Variants in CDKL2 observed in about 807,000 individuals in gnomAD.
The protein encoded by CDKL2 is cyclin-dependent kinase-like 2.
In CDKL2, 64 loss-of-function variants were observed where a neutral mutation model predicts 63.9. That is an observed-to-expected ratio of 1.00 (90% CI 0.82 to 1.23). The LOEUF (loss-of-function observed/expected upper bound fraction) is 1.23. Ranked by LOEUF, CDKL2 falls within the 50% of genes most tolerant of loss-of-function variation. CDKL2 has a pLI of 0.00. For synonymous variants in CDKL2, 211 were observed against 229.2 expected, an observed-to-expected ratio of 0.92 and a Z score of 0.72; for missense variants, 656 against 668.0, an observed-to-expected ratio of 0.98 and a Z score of 0.20.
In CDKL2 at chr4:75,621,397, C is replaced by T. The variant is rs373320637; in HGVS notation, c.168+4424G>A. Among the ~76,000 whole-genome samples, 13 of 151,500 alleles carry T rather than the reference C, an allele frequency of 8.6e-5. 1 individual carries two copies. Among genetic ancestry groups the T allele is most frequent in the African/African-American group, 2.9e-4 (12 of 41,248 alleles). Reference sequence around the variant, plus strand: ...CTAGAAGAAAATGGTTATTAAGGAACACAGTAAGACTGATGTCTGATTTTT... The same window carrying T: ...CTAGAAGAAAATGGTTATTAAGGAATACAGTAAGACTGATGTCTGATTTTT... On this transcript the variant is annotated intron_variant, in intron 2 of 13. Transcript: ENST00000307465.
rs368148985 is a variant in CDKL2 at position 75,596,918 on chromosome 4, A to T, written c.1322+17T>A. The T allele has an allele frequency of 2.7e-5, 42 of 1,582,372 alleles. No individual in the cohort carries two copies. The highest frequency in any genetic ancestry group is 2.4e-4 in the Admixed American group (13 of 54,886). On this transcript the variant is annotated intron_variant, in intron 9 of 13. Transcript: ENST00000307465. ...TGTCCTTAAACACTTTTTTGATCTT[A>T]TTTTACTAATTCATACCTGTAACCC...
At chr4:75,616,857 T>C (rs1294545561) in intron 2 of CDKL2, among the ~76,000 whole-genome samples, 1 of 151,992 alleles carries the variant, frequency 6.6e-6, no homozygotes, top group African/African-American at 2.4e-5. Flanking sequence ...AGCAAACTAA[T>C]AGGAACAGAA....
chr4:75,596,349 A>AC lies in CDKL2; in HGVS notation c.1323-10dup, dbSNP rs1373763717. On this transcript the variant is annotated splice_polypyrimidine_tract_variant and intron_variant, in intron 9 of 13. Coordinates refer to ENST00000307465, the MANE Select transcript of CDKL2 (RefSeq NM_001330724.2). ...TAGTTTTCTCATCCACTCTGTAACGACAAAAAAAAATGTTTTTAAGTTAGA... is the reference window on the plus strand; with the variant it reads ...TAGTTTTCTCATCCACTCTGTAACGACCAAAAAAAAATGTTTTTAAGTTAGA... 1 of 1,573,434 alleles carries AC rather than the reference A, an allele frequency of 6.4e-7. No homozygotes were observed. Among genetic ancestry groups the AC allele is most frequent in the East Asian group, 2.2e-5 (1 of 44,632 alleles).
At position 75,614,394 on chromosome 4, in the gene CDKL2, C is replaced by T. The variant is rs751297970; in HGVS notation, c.224G>A (p.Arg75Gln). The T allele has an allele frequency of 3.4e-5, 54 of 1,598,132 alleles. No individual in the cohort carries two copies. In the East Asian group the frequency reaches 5.2e-4, roughly 15 times the overall value. Residue 75 changes from arginine to glutamine, a missense_variant, in exon 3 of 14, where the codon CGA becomes CAA. Physicochemically the swap from Arg to Gln is conservative, Grantham distance 43. Transcript: ENST00000307465. ...AACAAATTCAAAGACTAGGTACCAT[C>T]GTTTTTTTTTCTTACACACTTCCAA... ...NLLEVCKKKK[R>Q]WYLVFEFVDH...
At chr4:75,627,593 C>T (rs1317145729) in intron 1 of CDKL2, among the ~76,000 whole-genome samples, 1 of 151,906 alleles carries the variant, frequency 6.6e-6, no homozygotes, top group Non-Finnish European at 1.5e-5. Context: ...TAATAAAGAT[C>T]AACTTTTTTG....
intron 1 of CDKL2, among the ~76,000 whole-genome samples, chr4:75,628,609 T>G (rs1015948217): frequency 5.9e-5 from 9 of 152,208 alleles, no homozygotes; most frequent in African/African-American, 2.2e-4. Context: ...AGATAAAAAA[T>G]TATTTCAGTC....
In CDKL2 at chr4:75,591,920, T is replaced by G. The variant is rs748303620; in HGVS notation, c.1546A>C (p.Asn516His). The G allele has an allele frequency of 5.0e-5, 77 of 1,534,882 alleles. No homozygotes were observed. The highest frequency in any genetic ancestry group is 1.9e-4 in the South Asian group (16 of 84,028). Residue 516 changes from asparagine to histidine, a missense_variant, in exon 12 of 14, where the codon AAT becomes CAT. Coordinates refer to ENST00000307465, the MANE Select transcript of CDKL2 (RefSeq NM_001330724.2). ...ELRALGGIARNSRLTKKESKI... is the reference protein window; with the variant it reads ...ELRALGGIARHSRLTKKESKI... ...CTCTCTTTCTTTGTTAGCCTGGAAT[T>G]TCGAGCTAGATAGAAATGACCATAA...
chr4:75,586,146 C>T (rs1408246621), intron 12 of CDKL2, among the ~76,000 whole-genome samples: 1 of 151,498 alleles, frequency 6.6e-6, no homozygotes, highest in African/African-American at 2.4e-5. Flanking sequence ...AAATACCTGG[C>T]TATTAAACAA....
chr4:75,613,160 A>G (rs2148899742), intron 3 of CDKL2, among the ~76,000 whole-genome samples: 1 of 151,974 alleles, frequency 6.6e-6, no homozygotes, highest in Admixed American at 6.6e-5. Flanking sequence ...GGATCATTAA[A>G]AAGTTGCCAG....
At chr4:75,605,249 A>C (rs2148888477) in intron 5 of CDKL2, among the ~76,000 whole-genome samples, 1 of 152,136 alleles carries the variant, frequency 6.6e-6, no homozygotes, top group Non-Finnish European at 1.5e-5. Context: ...GCTACTCGGG[A>C]GGCTGAGGCA....
chr4:75,608,713 G>C (rs751646020), intron 3 of CDKL2, among the ~76,000 whole-genome samples: 4 of 152,074 alleles, frequency 2.6e-5, no homozygotes, highest in Non-Finnish European at 4.4e-5. Flanking sequence ...AAATCAATAG[G>C]CCGCACGCAG....
chr4:75,582,052 A>G (rs1728286837), intron 12 of CDKL2, among the ~76,000 whole-genome samples, 154 bp from the exon 13 acceptor site: 1 of 152,230 alleles, frequency 6.6e-6, no homozygotes, highest in South Asian at 2.1e-4. Flanking sequence ...GTAAGGGGAC[A>G]TTGTTCTTTT....
intron 2 of CDKL2, among the ~76,000 whole-genome samples, chr4:75,617,038 C>A (rs75116488): frequency 3.3e-5 from 5 of 151,938 alleles, no homozygotes; most frequent in Non-Finnish European, 5.9e-5. Flanking sequence ...ATCGTGACTG[C>A]GACAAAATCC....
At chr4:75,599,319 T>C (rs1016912425) in intron 7 of CDKL2, among the ~76,000 whole-genome samples, 25 of 152,018 alleles carry the variant, frequency 1.6e-4, no homozygotes, top group African/African-American at 5.6e-4. Context: ...CCCAGCACTT[T>C]AGGAGGCCCA....
At chr4:75,591,736 G>C in intron 12 of CDKL2, 83 bp downstream of exon 12, 1 of 897,138 alleles carries the variant, frequency 1.1e-6, no homozygotes. Flanking sequence ...CAATTCTTAA[G>C]AGCAAACTCT....
Position 75,581,865 on chromosome 4 carries a change from C to A in CDKL2, c.1681G>T (p.Ala561Ser). 3.1e-6 allele frequency: 5 copies of A among 1,612,920 alleles called. No individual in the cohort carries two copies. Among genetic ancestry groups the A allele is most frequent in the Middle Eastern group, 1.7e-4 (1 of 6,052 alleles). The change falls in exon 13 of 14, where the codon GCT becomes TCT. Residue 561 changes from alanine (A) to serine (S), a missense_variant. By Grantham distance (99) the Ala-to-Ser change is moderately conservative. Transcript: ENST00000307465. ...SGPPLSDDSG[A>S]DLPQMEHQH ...TGGTGTTCCATTTGAGGCAAATCAGCCCCTGAATCATCTGACAGGGGAGGT... is the reference window on the plus strand; with the variant it reads ...TGGTGTTCCATTTGAGGCAAATCAGACCCTGAATCATCTGACAGGGGAGGT...
Position 75,584,359 on chromosome 4 carries a change from G to T in CDKL2, c.1648-2461C>A, listed in dbSNP as rs565489425. ...CAACCCCCAGCTGTTAGCCAGCAAG[G>T]AAATAGGGACTTCTGCCCTACAACC... On this transcript the variant is annotated intron_variant, in intron 12 of 13. Transcript: ENST00000307465. 7.2e-5 allele frequency among the ~76,000 whole-genome samples: 11 copies of T among 152,262 alleles called. No individual in the cohort carries two copies. The East Asian group carries it at 1.5e-3, about 21-fold the overall frequency.
chr4:75,592,234 CTT>C lies in CDKL2; in HGVS notation c.1450_1451del (p.Lys484GlufsTer14), dbSNP rs766387945. ...CTGTCCTGGAGTATTCTCTTCTTTT[CTT>C]ACTTGCCCAAAAGAGGTTTTTTTCA... ...SSEKNLFWAS[K>X]KRREYSRTDV... On this transcript the variant is annotated frameshift_variant, in exon 11 of 14. Transcript: ENST00000307465. LOFTEE classifies it high-confidence loss of function. 1.4e-5 allele frequency: 22 copies of C among 1,533,490 alleles called. No homozygotes were observed. Among genetic ancestry groups the C allele is most frequent in the Non-Finnish European group, 1.7e-5 (20 of 1,146,018 alleles). The allele number at this position is 1,533,490 out of a possible 1,614,324, so 95.0% of individuals were successfully genotyped here.
At chr4:75,599,327 C>T (rs1246338679) in intron 7 of CDKL2, among the ~76,000 whole-genome samples, 2 of 151,840 alleles carry the variant, frequency 1.3e-5, no homozygotes, top group Non-Finnish European at 2.9e-5. Context: ...TTTAGGAGGC[C>T]CAGGTGGGCA....
Sources: gnomAD v4.1 joint callset for allele counts (sites outside exome capture counted in the v4.1 genomes callset) on GRCh38, gnomAD v4.1.1 for gene constraint, MANE v1.5 for transcripts, NCBI Gene and HGNC (gene_info 2026-07-23, HGNC 2026-07-21) for gene names.